Variants in FAM107B observed in about 807,000 individuals in gnomAD.
FAM107B encodes the protein family with sequence similarity 107 member B.
A neutral mutation model predicts 31.5 loss-of-function variants in FAM107B; 21 were observed. That is an observed-to-expected ratio of 0.67 (90% CI 0.47 to 0.96). The LOEUF (loss-of-function observed/expected upper bound fraction) is 0.96. Ranked by LOEUF, FAM107B falls within the 40% of genes least tolerant of loss-of-function variation. The pLI is 0.00. For synonymous variants in FAM107B, 157 were observed against 141.5 expected, an observed-to-expected ratio of 1.11 and a Z score of -0.78; for missense variants, 452 against 377.1, an observed-to-expected ratio of 1.20 and a Z score of -1.64.
At chr10:14,628,112 G>GTTTTTTTTTGTTTTTTTTTTTTTTGTTTT (rs58879328) in intron 2 of FAM107B, among the ~76,000 whole-genome samples, 1 of 92,676 alleles carries the variant, frequency 1.1e-5, no homozygotes, top group African/African-American at 3.9e-5. Context: ...TGTTTTGCTG[G>GTTTTTTTTTGTTTTTTTTTTTTTTGTTTT]TTTTTTTTTT....
chr10:14,521,515 C>T (rs190078263), intron 4 of FAM107B, among the ~76,000 whole-genome samples: 10 of 152,244 alleles, frequency 6.6e-5, no homozygotes, highest in Non-Finnish European at 1.0e-4. Flanking sequence ...AATAGGACCA[C>T]GAGATGACAA....
intron 2 of FAM107B, among the ~76,000 whole-genome samples, chr10:14,629,373 AATATATATAAT>A (rs1439141446): frequency 1.1e-3 from 11 of 9,570 alleles, no homozygotes; most frequent in East Asian, 7.4e-3. Context: ...TTATATATTT[AATATATATAAT>A]ATATATAATA....
intron 2 of FAM107B, among the ~76,000 whole-genome samples, chr10:14,623,697 A>C (rs912717725): frequency 6.6e-6 from 1 of 152,138 alleles, no homozygotes; most frequent in Non-Finnish European, 1.5e-5. Context: ...GTGGTAGTGC[A>C]GGTCTGTAAT....
intron 1 of FAM107B, among the ~76,000 whole-genome samples, chr10:14,685,707 C>A (rs538322993): frequency 2.0e-5 from 3 of 152,078 alleles, no homozygotes; most frequent in East Asian, 3.9e-4. Context: ...ATACTTGGAG[C>A]GTTTGTAAGA....
intron 2 of FAM107B, among the ~76,000 whole-genome samples, chr10:14,614,602 G>A (rs988363351): frequency 4.6e-5 from 7 of 151,426 alleles, no homozygotes; most frequent in Admixed American, 2.6e-4. Flanking sequence ...GAACCCAGGA[G>A]GCAGAGGTTG....
At chr10:14,734,056 T>C (rs1367689450) in intron 1 of FAM107B, among the ~76,000 whole-genome samples, 1 of 152,174 alleles carries the variant, frequency 6.6e-6, no homozygotes, top group Non-Finnish European at 1.5e-5. Context: ...AACTTGGGAC[T>C]AGATTTGTTC....
intron 2 of FAM107B, among the ~76,000 whole-genome samples, chr10:14,661,200 G>A (rs575402892): frequency 1.2e-4 from 18 of 152,110 alleles, no homozygotes; most frequent in African/African-American, 1.9e-4. Flanking sequence ...AAATTATCCC[G>A]TCTCAGGTAG....
chr10:14,542,546 G>A (rs1180486051), intron 2 of FAM107B: 2 of 152,206 alleles, frequency 1.3e-5, no homozygotes, highest in Non-Finnish European at 2.9e-5. Context: ...CAGTCACATA[G>A]TGGTCAGCTG....
At chr10:14,670,189 A>G (rs1370713474) in intron 1 of FAM107B, among the ~76,000 whole-genome samples, 1 of 152,256 alleles carries the variant, frequency 6.6e-6, no homozygotes, top group Non-Finnish European at 1.5e-5. Context: ...GTTTTTCCAG[A>G]GATCAAAAAT....
At chr10:14,749,944 C>T (rs1056480628) in intron 1 of FAM107B, among the ~76,000 whole-genome samples, 8 of 152,150 alleles carry the variant, frequency 5.3e-5, no homozygotes, top group Non-Finnish European at 8.8e-5. Context: ...CACCTGGGAA[C>T]GCCAGGAAGG....
intron 1 of FAM107B, among the ~76,000 whole-genome samples, chr10:14,689,743 G>T (rs11259274): frequency 0.32 from 47,797 of 151,674 alleles, 7,640 homozygotes; most frequent in Admixed American, 0.37. Context: ...GGAGGATCAT[G>T]TAAGCCCAGA....
At chr10:14,684,558 T>G (rs535925198) in intron 1 of FAM107B, among the ~76,000 whole-genome samples, 1 of 152,260 alleles carries the variant, frequency 6.6e-6, no homozygotes, top group Non-Finnish European at 1.5e-5. Flanking sequence ...CCTAATAGCC[T>G]AATATGTTAG....
At chr10:14,629,451 T>TATAAA (rs748737696) in intron 2 of FAM107B, among the ~76,000 whole-genome samples, 1 of 81,540 alleles carries the variant, frequency 1.2e-5, no homozygotes, top group African/African-American at 5.8e-5. Context: ...ATATATTATA[T>TATAAA]ATATATTATA....
intron 2 of FAM107B, among the ~76,000 whole-genome samples, chr10:14,563,711 C>A (rs1224122820): frequency 1.3e-5 from 2 of 152,148 alleles, no homozygotes; most frequent in Non-Finnish European, 1.5e-5. Context: ...TATTTCAATT[C>A]TCTGGCCTTT....
intron 2 of FAM107B, among the ~76,000 whole-genome samples, chr10:14,619,708 T>TAAAAAAAAAAAA (rs3995551): frequency 9.6e-6 from 1 of 104,632 alleles, no homozygotes; most frequent in African/African-American, 3.5e-5. Context: ...GTGTCCTAGC[T>TAAAAAAAAAAAA]AAAAAAAAAA....
chr10:14,581,679 CTG>C (rs1025255472), intron 2 of FAM107B, among the ~76,000 whole-genome samples: 1 of 152,194 alleles, frequency 6.6e-6, no homozygotes, highest in Non-Finnish European at 1.5e-5. Context: ...GGCAGGATGA[CTG>C]TTTGAGGTCA....
chr10:14,683,330 C>T (rs12264091), intron 1 of FAM107B, among the ~76,000 whole-genome samples: 35,193 of 152,116 alleles, frequency 0.23, 4,534 homozygotes, highest in East Asian at 0.5. Context: ...TTCAGTTCTG[C>T]AACGGAATGA....
chr10:14,734,406 C>CGTTGG (rs1856246463), intron 1 of FAM107B, among the ~76,000 whole-genome samples: 1 of 152,074 alleles, frequency 6.6e-6, no homozygotes, highest in Non-Finnish European at 1.5e-5. Flanking sequence ...GCCCACAGAC[C>CGTTGG]ACATGTGGTC....
chr10:14,531,079 G>A (rs992664217), intron 2 of FAM107B, among the ~76,000 whole-genome samples: 2 of 152,172 alleles, frequency 1.3e-5, no homozygotes, highest in Non-Finnish European at 2.9e-5. Flanking sequence ...ACTCTAAGAT[G>A]CCTAACCTTT....
Sources: allele counts gnomAD v4.1 joint callset (sites outside exome capture counted in the v4.1 genomes callset), GRCh38; gene constraint gnomAD v4.1.1; transcripts MANE v1.5; gene names NCBI Gene and HGNC (gene_info 2026-07-23, HGNC 2026-07-21).